GLRA3: variants seen among roughly 807,000 people sequenced by gnomAD.
The protein encoded by GLRA3 is glycine receptor alpha 3, also known as glycine receptor subunit alpha-3.
A neutral mutation model predicts 60.4 loss-of-function variants in GLRA3; 44 were observed. That is an observed-to-expected ratio of 0.73 (90% CI 0.57 to 0.94). GLRA3 has a LOEUF of 0.94. Ranked by LOEUF, GLRA3 falls within the 40% of genes least tolerant of loss-of-function variation. The pLI is 0.00. For synonymous variants in GLRA3, 223 were observed against 192.9 expected (o/e 1.16, Z -1.29); for missense variants, 508 against 564.6 (o/e 0.90, Z 1.02).
intron 5 of GLRA3, among the ~76,000 whole-genome samples, chr4:174,701,222 C>A (rs1465723955): frequency 6.6e-6 from 1 of 152,146 alleles, no homozygotes; most frequent in Non-Finnish European, 1.5e-5. Context: ...TACTCATTCA[C>A]CGCTCAAAGA....
chr4:174,810,478 A>T (rs1384845384), intron 1 of GLRA3, among the ~76,000 whole-genome samples: 2 of 151,766 alleles, frequency 1.3e-5, no homozygotes, highest in Non-Finnish European at 2.9e-5. Flanking sequence ...TTGTGGTCAC[A>T]TATATTTGTA....
At chr4:174,662,544 T>C (rs1299485396) in intron 7 of GLRA3, among the ~76,000 whole-genome samples, 1 of 152,188 alleles carries the variant, frequency 6.6e-6, no homozygotes, top group African/African-American at 2.4e-5. Flanking sequence ...TCCTCTTTCA[T>C]CTTCAATATT....
At chr4:174,755,360 A>G (rs1276747417) in intron 3 of GLRA3, among the ~76,000 whole-genome samples, 1 of 152,156 alleles carries the variant, frequency 6.6e-6, no homozygotes, top group Non-Finnish European at 1.5e-5. Context: ...TTTTAAATAA[A>G]TATTCATGGC....
At position 174,785,226 on chromosome 4, in the gene GLRA3, A is replaced by G. The variant is rs565267735; in HGVS notation, c.199+3590T>C. On this transcript the variant is annotated intron_variant, in intron 2 of 9. Transcript: ENST00000274093. ...ACACCATAATTTTGGTTAAGTAAAAAAATCTACTTCTAAATTTTTGTAAAT... is the reference window on the plus strand; with the variant it reads ...ACACCATAATTTTGGTTAAGTAAAAGAATCTACTTCTAAATTTTTGTAAAT... Among the ~76,000 whole-genome samples the G allele has an allele frequency of 2.0e-4, 31 of 152,258 alleles. No individual in the cohort carries two copies. The South Asian group carries it at 4.1e-3, about 20-fold the overall frequency.
chr4:174,767,093 T>A (rs1738171887), intron 2 of GLRA3, 63 bp from the exon 3 acceptor site: 2 of 802,378 alleles, frequency 2.5e-6, no homozygotes, highest in African/African-American at 3.4e-5. Context: ...TTCAAATAAT[T>A]CCTTGCATTC....
chr4:174,698,397 C>A (rs1033240548), intron 5 of GLRA3, among the ~76,000 whole-genome samples: 1 of 151,944 alleles, frequency 6.6e-6, no homozygotes, highest in African/African-American at 2.4e-5. Flanking sequence ...TTATGTTCCC[C>A]AGGGTGATCT....
intron 2 of GLRA3, among the ~76,000 whole-genome samples, chr4:174,776,701 G>A (rs761138930): frequency 9.9e-5 from 15 of 152,126 alleles, no homozygotes; most frequent in South Asian, 2.1e-4. Context: ...AGGGTGAACC[G>A]CTGCTTTTCA....
intron 1 of GLRA3, among the ~76,000 whole-genome samples, chr4:174,803,793 A>G (rs1739917437): frequency 6.6e-6 from 1 of 152,176 alleles, no homozygotes; most frequent in African/African-American, 2.4e-5. Flanking sequence ...ACTCAAATGT[A>G]GAAAAAACAG....
chr4:174,647,657 A>C (rs957393707), intron 9 of GLRA3, among the ~76,000 whole-genome samples: 1 of 152,168 alleles, frequency 6.6e-6, no homozygotes, highest in Non-Finnish European at 1.5e-5. Flanking sequence ...CATGTGTGTG[A>C]TTTTAATTTT....
At chr4:174,808,648 A>G (rs1356204289) in intron 1 of GLRA3, among the ~76,000 whole-genome samples, 1 of 152,116 alleles carries the variant, frequency 6.6e-6, no homozygotes, top group Non-Finnish European at 1.5e-5. Flanking sequence ...ATTGCAGGAG[A>G]TAACAGTTCC....
At chr4:174,723,372 C>G (rs1236255693) in intron 4 of GLRA3, among the ~76,000 whole-genome samples, 1 of 151,948 alleles carries the variant, frequency 6.6e-6, no homozygotes, top group Non-Finnish European at 1.5e-5. Flanking sequence ...AGTAAGAAGC[C>G]TCTCAAACAA....
intron 4 of GLRA3, among the ~76,000 whole-genome samples, chr4:174,721,306 C>A (rs1249417202): frequency 1.3e-5 from 2 of 152,050 alleles, no homozygotes; most frequent in Non-Finnish European, 2.9e-5. Flanking sequence ...ACTGTGTGAA[C>A]TTTTAAGTGA....
chr4:174,718,485 A>G (rs2111103847), intron 4 of GLRA3, among the ~76,000 whole-genome samples: 1 of 152,342 alleles, frequency 6.6e-6, no homozygotes, highest in Non-Finnish European at 1.5e-5. Flanking sequence ...AGCTGATAAT[A>G]ATTTGTGACA....
chr4:174,756,435 G>T (rs1267519792), intron 3 of GLRA3, among the ~76,000 whole-genome samples: 1 of 152,036 alleles, frequency 6.6e-6, no homozygotes, highest in Non-Finnish European at 1.5e-5. Context: ...AGGAACGCAA[G>T]AAGGATTTAC....
chr4:174,765,181 GTC>G (rs1738093226), intron 3 of GLRA3, among the ~76,000 whole-genome samples: 1 of 66,540 alleles, frequency 1.5e-5, no homozygotes, highest in Non-Finnish European at 3.5e-5. Context: ...ATTCTATAAA[GTC>G]TGGCTAAATT....
chr4:174,714,462 C>G (rs371487503), intron 5 of GLRA3, among the ~76,000 whole-genome samples: 1 of 152,116 alleles, frequency 6.6e-6, no homozygotes, highest in East Asian at 1.9e-4. Context: ...TTAAGAACTA[C>G]TTATAAAAGT....
intron 1 of GLRA3, among the ~76,000 whole-genome samples, chr4:174,800,694 A>G (rs1461791053): frequency 1.3e-5 from 2 of 151,996 alleles, no homozygotes; most frequent in Non-Finnish European, 2.9e-5. Context: ...ACACATACGC[A>G]CAATGTCTAA....
chr4:174,727,906 T>C lies in GLRA3; in HGVS notation c.491+569A>G, dbSNP rs76403051. ...TAAGGTTTTGTCATCCATTTTCACA[T>C]AATACAGTGATTTTTTTTCTTCCCT... On this transcript the variant is annotated intron_variant, in intron 4 of 9. Transcript: ENST00000274093. Among the ~76,000 whole-genome samples, 1,187 of 152,262 alleles carry C rather than the reference T, an allele frequency of 7.8e-3. 10 individuals are homozygous for C. Among genetic ancestry groups the C allele is most frequent in the Middle Eastern group, 0.021 (6 of 292 alleles).
At chr4:174,785,936 G>GTTTTTTTTTTT (rs752488665) in intron 2 of GLRA3, among the ~76,000 whole-genome samples, 1 of 103,472 alleles carries the variant, frequency 9.7e-6, no homozygotes, top group African/African-American at 3.7e-5. Context: ...TGCCTGGCTA[G>GTTTTTTTTTTT]TTTTTTTTTT....
Sources: allele counts gnomAD v4.1 joint callset (sites outside exome capture counted in the v4.1 genomes callset), GRCh38; gene constraint gnomAD v4.1.1; transcripts MANE v1.5; gene names NCBI Gene and HGNC (gene_info 2026-07-23, HGNC 2026-07-21).